Variants in GTF2IRD1 observed in about 807,000 individuals in gnomAD.
GTF2IRD1 encodes the protein GTF2I repeat domain containing 1, also known as general transcription factor II-I repeat domain-containing protein 1.
Under a neutral mutation model 113.2 loss-of-function variants are expected in GTF2IRD1, and 26 were observed. That is an observed-to-expected ratio of 0.23 (90% CI 0.17 to 0.32). The LOEUF (loss-of-function observed/expected upper bound fraction) is 0.32. Among genes scored for constraint, GTF2IRD1 ranks in the 10% least tolerant of loss-of-function variants. The pLI is 1.00. For synonymous variants in GTF2IRD1, 484 were observed against 529.1 expected (o/e 0.91, Z 1.17); for missense variants, 864 against 1,280.8 (o/e 0.67, Z 4.97).
At chr7:74,590,281 A>G (rs1554369084) in intron 23 of GTF2IRD1, among the ~76,000 whole-genome samples, 3 of 150,494 alleles carry the variant, frequency 2.0e-5, no homozygotes, top group Non-Finnish European at 3.0e-5. Flanking sequence ...AGGTTTCACT[A>G]TGTTGCCCAG....
chr7:74,484,929 A>G (rs1466033512), intron 1 of GTF2IRD1, among the ~76,000 whole-genome samples: 4 of 152,168 alleles, frequency 2.6e-5, no homozygotes, highest in African/African-American at 9.7e-5. Flanking sequence ...TTTTATTAAC[A>G]ACATTGCTGT....
chr7:74,536,032 G>A (rs376197771), intron 10 of GTF2IRD1, 135 bp from the exon 11 acceptor site: 44 of 596,396 alleles, frequency 7.4e-5, no homozygotes, highest in East Asian at 5.1e-4. Context: ...TGGACGTGGC[G>A]CCCACAAGGA....
At chr7:74,583,225 G>A (rs587724159) in intron 22 of GTF2IRD1, among the ~76,000 whole-genome samples, 1 of 152,088 alleles carries the variant, frequency 6.6e-6, no homozygotes, top group South Asian at 2.1e-4. Context: ...ATCTAGCTCA[G>A]TCACCCAGGC....
At chr7:74,478,002 T>C (rs561942927) in intron 1 of GTF2IRD1, among the ~76,000 whole-genome samples, 1 of 152,264 alleles carries the variant, frequency 6.6e-6, no homozygotes, top group African/African-American at 2.4e-5. Flanking sequence ...GCTGGTTTCC[T>C]CCCACTGTCT....
At position 74,519,626 on chromosome 7, in the gene GTF2IRD1, C is replaced by G. The variant is rs1554345441; in HGVS notation, c.823C>G (p.Pro275Ala). Residue 275 changes from proline to alanine, a missense_variant, in exon 6 of 27, where the codon CCT becomes GCT. By Grantham distance (27) the Pro-to-Ala change is conservative (BLOSUM62 -1). Transcript: ENST00000424337. ...CATCCGAGAGCTCAAGCAGGAAGCA[C>G]CTTCCTGCCCCCTTGCCCCCAGCGA... is the stretch of plus-strand genomic sequence containing the variant. ...HAIRELKQEA[P>A]SCPLAPSDLG... The G allele has an allele frequency of 6.2e-7, 1 of 1,611,556 alleles. No individual in the cohort carries two copies. The highest frequency in any genetic ancestry group is 8.5e-7 in the Non-Finnish European group (1 of 1,178,822).
chr7:74,486,786 A>G (rs37611), intron 1 of GTF2IRD1, among the ~76,000 whole-genome samples: 37,971 of 151,340 alleles, frequency 0.25, 5,498 homozygotes, highest in Middle Eastern at 0.36. Context: ...AGCCTGAGCA[A>G]CATAGCAAGA....
At chr7:74,590,626 C>T (rs2005769) in intron 23 of GTF2IRD1, among the ~76,000 whole-genome samples, 199 bp from the exon 24 acceptor site, 47,641 of 149,922 alleles carry the variant, frequency 0.32, 9,292 homozygotes, top group East Asian at 0.62. Context: ...CTCCTGACCT[C>T]GTGATCCTCC....
chr7:74,585,648 G>A (rs1435462617), intron 22 of GTF2IRD1, among the ~76,000 whole-genome samples: 12 of 151,994 alleles, frequency 7.9e-5, no homozygotes, highest in Admixed American at 2.6e-4. Flanking sequence ...TTGGGAGGCC[G>A]AGGTGGGCGA....
chr7:74,567,266 T>A (rs1554360957), intron 22 of GTF2IRD1, among the ~76,000 whole-genome samples: 1 of 151,278 alleles, frequency 6.6e-6, no homozygotes, highest in Admixed American at 6.6e-5. Flanking sequence ...AGGCAGAGGT[T>A]GCAGTGAACT....
intron 22 of GTF2IRD1, among the ~76,000 whole-genome samples, 196 bp from the exon 23 acceptor site, chr7:74,589,655 G>T (rs1372815135): frequency 6.6e-6 from 1 of 150,986 alleles, no homozygotes. Context: ...CTGAGATCAC[G>T]CCACTGCACT....
chr7:74,533,133 AT>A (rs56894912), intron 9 of GTF2IRD1, among the ~76,000 whole-genome samples: 3,170 of 112,246 alleles, frequency 0.028, 56 homozygotes, highest in East Asian at 0.086. Context: ...TCCATGCATC[AT>A]TTTTTTTTTT....
At chr7:74,532,839 T>C (rs1467240200) in intron 9 of GTF2IRD1, among the ~76,000 whole-genome samples, 2 of 152,116 alleles carry the variant, frequency 1.3e-5, no homozygotes, top group Non-Finnish European at 2.9e-5. Context: ...CCCTTGGACA[T>C]TGTCAGGTAT....
chr7:74,547,439 C>CTTTTTTT (rs782144976), intron 17 of GTF2IRD1, among the ~76,000 whole-genome samples, 153 bp downstream of exon 17: 3 of 111,206 alleles, frequency 2.7e-5, no homozygotes, highest in African/African-American at 3.6e-5. Context: ...CATGCCCAGC[C>CTTTTTTT]TTTTTTTTTT....
Position 74,555,293 on chromosome 7 carries a change from CCCT to C in GTF2IRD1, c.1966+77_1966+79del. 1.3e-6 allele frequency: 2 copies of C among 1,507,702 alleles called. No individual in the cohort carries two copies. Among genetic ancestry groups the C allele is most frequent in the East Asian group, 4.5e-5 (2 of 44,096 alleles). The allele number at this position is 1,507,702 out of a possible 1,614,324, so 93.4% of individuals were successfully genotyped here. ...AGGGCCCCAGGCCTCTGCCACCAGCCCCTCCTCCTGCTGCCTCTGTCCTGCTCC... is the reference window on the plus strand; with the variant it reads ...AGGGCCCCAGGCCTCTGCCACCAGCCCCTCCTGCTGCCTCTGTCCTGCTCC... On this transcript the variant is annotated intron_variant, in intron 18 of 26. Coordinates refer to ENST00000424337, the MANE Select transcript of GTF2IRD1 (RefSeq NM_005685.4). The surrounding 1 kb of genome is among the most constrained non-coding windows in gnomAD (Gnocchi z 5.3).
chr7:74,554,010 G>A (rs1327474839), intron 17 of GTF2IRD1, among the ~76,000 whole-genome samples: 2 of 152,174 alleles, frequency 1.3e-5, no homozygotes, highest in Admixed American at 6.6e-5. Context: ...CACCGCCAGA[G>A]CGGGCACCAA....
intron 14 of GTF2IRD1, among the ~76,000 whole-genome samples, chr7:74,541,728 C>G (rs1485458905): frequency 6.6e-6 from 1 of 151,988 alleles, no homozygotes; most frequent in African/African-American, 2.4e-5. Flanking sequence ...GATGAAACCC[C>G]CTTCTCTACT....
intron 17 of GTF2IRD1, among the ~76,000 whole-genome samples, chr7:74,553,232 C>T (rs1353575317): frequency 2.5e-4 from 38 of 151,310 alleles, no homozygotes; most frequent in African/African-American, 8.5e-4. Flanking sequence ...CAGGTTTAAA[C>T]GATTCTCCTG....
intron 22 of GTF2IRD1, among the ~76,000 whole-genome samples, chr7:74,568,286 C>G (rs1800449796): frequency 6.9e-6 from 1 of 144,344 alleles, no homozygotes; most frequent in South Asian, 2.2e-4. Flanking sequence ...AGTAGGATCA[C>G]TTGAGCCCAG....
At chr7:74,549,259 T>TA (rs1754601584) in intron 17 of GTF2IRD1, among the ~76,000 whole-genome samples, 1 of 141,858 alleles carries the variant, frequency 7.0e-6, no homozygotes, top group African/African-American at 2.6e-5. Context: ...GCTGAGATCG[T>TA]ACCACGACAC....
Sources: allele counts gnomAD v4.1 joint callset (sites outside exome capture counted in the v4.1 genomes callset), GRCh38; gene constraint gnomAD v4.1.1; non-coding constraint Gnocchi (gnomAD v3.1); transcripts MANE v1.5; gene names NCBI Gene and HGNC (gene_info 2026-07-23, HGNC 2026-07-21).